FKBP9: variants seen among roughly 807,000 people sequenced by gnomAD.
The protein encoded by FKBP9 is peptidyl-prolyl cis-trans isomerase FKBP9.
In FKBP9, 27 loss-of-function variants were observed where a neutral mutation model predicts 55.6. The observed-to-expected ratio is 0.49, with a 90% CI of 0.36 to 0.67. The LOEUF is 0.67. FKBP9 is among the 30% of genes least tolerant of loss of function. FKBP9 has a pLI of 0.00. For missense variants in FKBP9, 539 were observed against 742.8 expected (o/e 0.73, Z 3.19); for synonymous variants, 267 against 296.5 (o/e 0.90, Z 1.02).
chr7:32,960,753 T>C (rs1445665096), intron 1 of FKBP9, among the ~76,000 whole-genome samples: 2 of 152,208 alleles, frequency 1.3e-5, no homozygotes, highest in Admixed American at 6.5e-5. Flanking sequence ...CCTAGTCTAG[T>C]ATGCTTCTTC....
intron 1 of FKBP9, among the ~76,000 whole-genome samples, chr7:32,960,346 C>T (rs551594067): frequency 1.3e-3 from 205 of 152,098 alleles, no homozygotes; most frequent in African/African-American, 4.8e-3. Context: ...AACTCCTGAC[C>T]TCAGGTGATC....
chr7:32,968,595 A>G (rs1385681274), intron 1 of FKBP9, among the ~76,000 whole-genome samples: 1 of 149,072 alleles, frequency 6.7e-6, no homozygotes, highest in Non-Finnish European at 1.5e-5. Context: ...TTTTTGAGAC[A>G]GAGTTTCACT....
chr7:32,991,270 C>T (rs1307844235), intron 6 of FKBP9, among the ~76,000 whole-genome samples: 4 of 151,994 alleles, frequency 2.6e-5, no homozygotes, highest in Admixed American at 1.3e-4. Flanking sequence ...GGGAAGCAGC[C>T]GAAGGCTCGT....
At chr7:32,991,055 G>T (rs1405098975) in intron 6 of FKBP9, among the ~76,000 whole-genome samples, 2 of 152,108 alleles carry the variant, frequency 1.3e-5, no homozygotes, top group African/African-American at 4.8e-5. Context: ...GCTTTTTATC[G>T]TGTGGATTTC....
At chr7:32,969,840 T>TA (rs1246623188) in intron 1 of FKBP9, among the ~76,000 whole-genome samples, 1 of 151,888 alleles carries the variant, frequency 6.6e-6, no homozygotes, top group Admixed American at 6.6e-5. Context: ...CTGTCTCTAC[T>TA]AAAAATACAA....
Position 33,006,785 on chromosome 7 carries a change from T to A in FKBP9, c.*1434T>A, listed in dbSNP as rs1238744154. On this transcript the variant is annotated 3_prime_UTR_variant, in exon 10 of 10. Coordinates refer to ENST00000242209, the MANE Select transcript of FKBP9 (RefSeq NM_007270.5). ...ACTTATCCTGAAGTCGTCAATGATTTCCCTTTGAAACTACTTTATTTTACT... is the reference window on the plus strand; with the variant it reads ...ACTTATCCTGAAGTCGTCAATGATTACCCTTTGAAACTACTTTATTTTACT... The A allele has an allele frequency of 9.7e-6, 2 of 205,506 alleles. No individual in the cohort carries two copies. Among genetic ancestry groups the A allele is most frequent in the African/African-American group, 4.6e-5 (2 of 43,752 alleles). 12.7% of individuals were successfully genotyped at this position (205,506 alleles called of 1,614,324 possible).
rs1785046074 is a variant in FKBP9, at chr7:33,006,615, A to G, written c.*1264A>G. The stretch of plus-strand genomic sequence containing the variant: ...ACAAGGTGACATTTTTCTGCTGCCC[A>G]TTTGTGTCCTGGAGACGGTGGTACC... On this transcript the variant is annotated 3_prime_UTR_variant, in exon 10 of 10. Coordinates refer to ENST00000242209, the MANE Select transcript of FKBP9 (RefSeq NM_007270.5). 9 of 212,144 alleles carry G rather than the reference A, an allele frequency of 4.2e-5. No homozygotes were observed. In the South Asian group the frequency reaches 1.7e-3, roughly 40 times the overall value. The allele number at this position is 212,144 out of a possible 1,614,324, so 13.1% of individuals were successfully genotyped here.
chr7:32,987,698 A>G (rs1157936745), intron 5 of FKBP9, among the ~76,000 whole-genome samples: 1 of 151,888 alleles, frequency 6.6e-6, no homozygotes, highest in African/African-American at 2.4e-5. Flanking sequence ...CAGTGTTGTG[A>G]TCTTGGCTCA....
chr7:32,961,827 G>A (rs951153270), intron 1 of FKBP9, among the ~76,000 whole-genome samples: 4 of 151,632 alleles, frequency 2.6e-5, no homozygotes, highest in African/African-American at 7.3e-5. Context: ...AATCTAATGC[G>A]TGATGATCTG....
chr7:32,972,191 T>G (rs1784265807), intron 1 of FKBP9, among the ~76,000 whole-genome samples: 1 of 151,824 alleles, frequency 6.6e-6, no homozygotes, highest in Non-Finnish European at 1.5e-5. Context: ...TTCCAGGGGG[T>G]GGGGATTGGG....
At chr7:32,975,457 G>C (rs1784340506) in intron 3 of FKBP9, 86 bp downstream of exon 3, 1 of 1,070,440 alleles carries the variant, frequency 9.3e-7, no homozygotes, top group African/African-American at 1.6e-5. Flanking sequence ...TATGCTGATG[G>C]GGATACCAGA....
At chr7:33,004,128 C>T (rs1449470508) in intron 9 of FKBP9, among the ~76,000 whole-genome samples, 1 of 152,120 alleles carries the variant, frequency 6.6e-6, no homozygotes, top group Non-Finnish European at 1.5e-5. Context: ...GAAATCATTC[C>T]AGCTCTACCT....
chr7:32,963,831 C>T lies in FKBP9; in HGVS notation c.221+6037C>T, dbSNP rs533162415. The stretch of plus-strand genomic sequence containing the variant: ...GGGATCCAGCACCAGCGCCGACAAA[C>T]TGGACTTTCTCACTTCTAGGTTTCC... On this transcript the variant is annotated intron_variant, in intron 1 of 9. Coordinates refer to ENST00000242209, the MANE Select transcript of FKBP9 (RefSeq NM_007270.5). 3.5e-3 allele frequency: 3,848 copies of T among 1,096,130 alleles called. 20 individuals are homozygous for T. Among genetic ancestry groups the T allele is most frequent in the Middle Eastern group, 0.019 (58 of 3,102 alleles). 67.9% of individuals were successfully genotyped at this position (1,096,130 alleles called of 1,614,324 possible).
At chr7:32,998,483 A>C (rs772191297) in intron 7 of FKBP9, 1 of 152,190 alleles carries the variant, frequency 6.6e-6, no homozygotes, top group Non-Finnish European at 1.5e-5. Flanking sequence ...CTCAGGAGCC[A>C]CATGAGCCAG....
chr7:32,974,402 A>G (rs1784319599), intron 1 of FKBP9, among the ~76,000 whole-genome samples: 4 of 151,450 alleles, frequency 2.6e-5, no homozygotes, highest in Non-Finnish European at 5.9e-5. Context: ...ATTCTTATTG[A>G]ACTAGATTTG....
intron 1 of FKBP9, among the ~76,000 whole-genome samples, chr7:32,965,813 AT>A (rs1422562269): frequency 0.21 from 2,929 of 13,732 alleles, 115 homozygotes; most frequent in Non-Finnish European, 0.25. Flanking sequence ...AAAAAAAAAA[AT>A]ATATATATAT....
chr7:33,001,984 T>A (rs1434528814), intron 8 of FKBP9: 1 of 152,260 alleles, frequency 6.6e-6, no homozygotes, highest in Non-Finnish European at 1.5e-5. Flanking sequence ...TTGCTTGTCC[T>A]GTTTGCACGG....
At chr7:32,993,297 A>G (rs991455455) in intron 6 of FKBP9, among the ~76,000 whole-genome samples, 4 of 152,156 alleles carry the variant, frequency 2.6e-5, no homozygotes, top group Admixed American at 2.6e-4. Context: ...TTGTATAACC[A>G]TTACTATCAT....
Position 33,006,643 on chromosome 7 carries a change from G to A in FKBP9, c.*1292G>A, listed in dbSNP as rs1472138069. 1.9e-5 allele frequency: 4 copies of A among 215,240 alleles called. No homozygotes were observed. In the East Asian group the frequency reaches 2.0e-4, roughly 11 times the overall value. The allele number at this position is 215,240 out of a possible 1,614,324, so 13.3% of individuals were successfully genotyped here. ...TGTGTCCTGGAGACGGTGGTACCCTGAAGGCAGAGGCCAGCTGCCGCAAGA... is the reference window on the plus strand; with the variant it reads ...TGTGTCCTGGAGACGGTGGTACCCTAAAGGCAGAGGCCAGCTGCCGCAAGA... On this transcript the variant is annotated 3_prime_UTR_variant, in exon 10 of 10. Transcript: ENST00000242209.
Sources: gnomAD v4.1 joint callset for allele counts (sites outside exome capture counted in the v4.1 genomes callset) on GRCh38, gnomAD v4.1.1 for gene constraint, MANE v1.5 for transcripts, NCBI Gene and HGNC (gene_info 2026-07-23, HGNC 2026-07-21) for gene names.